Variants in DTNB observed in about 807,000 individuals in gnomAD.
DTNB encodes dystrobrevin beta, also known as DTN-B.
In DTNB, 63 loss-of-function variants were observed where a neutral mutation model predicts 90.7. The ratio of observed to expected loss-of-function variants is 0.69; its 90% CI spans 0.57 to 0.86. DTNB has a LOEUF of 0.86. Among genes scored for constraint, DTNB ranks in the 40% least tolerant of loss-of-function variants. The pLI is 0.00. For missense variants in DTNB, 744 were observed against 807.1 expected (o/e 0.92, Z 0.95); for synonymous variants, 277 against 286.7 (o/e 0.97, Z 0.34).
chr2:25,528,082 G>T (rs1221968714), intron 9 of DTNB, among the ~76,000 whole-genome samples: 2 of 152,120 alleles, frequency 1.3e-5, no homozygotes, highest in African/African-American at 4.8e-5. Flanking sequence ...AGGTAAAGAT[G>T]ATGCTAAAAA....
At chr2:25,385,621 C>T (rs1242424144) in intron 18 of DTNB, among the ~76,000 whole-genome samples, 1 of 152,214 alleles carries the variant, frequency 6.6e-6, no homozygotes, top group Non-Finnish European at 1.5e-5. Context: ...TTTCCCCCTT[C>T]AAGCTGCACG....
chr2:25,434,816 A>T (rs2055154137), intron 12 of DTNB, among the ~76,000 whole-genome samples: 1 of 152,170 alleles, frequency 6.6e-6, no homozygotes. Flanking sequence ...CCATTTTACA[A>T]TTGCATTAAT....
At chr2:25,464,834 T>A (rs189758163) in intron 10 of DTNB, among the ~76,000 whole-genome samples, 1 of 152,206 alleles carries the variant, frequency 6.6e-6, no homozygotes, top group East Asian at 1.9e-4. Flanking sequence ...TTCTGCAAAA[T>A]ATCTGACCAG....
At chr2:25,564,434 A>G (rs2058709115) in intron 8 of DTNB, among the ~76,000 whole-genome samples, 1 of 151,894 alleles carries the variant, frequency 6.6e-6, no homozygotes, top group African/African-American at 2.4e-5. Flanking sequence ...ACGATGGAGC[A>G]CAGTGGTGCG....
intron 9 of DTNB, among the ~76,000 whole-genome samples, chr2:25,528,397 G>A (rs754615912): frequency 4.6e-5 from 7 of 152,078 alleles, no homozygotes; most frequent in African/African-American, 1.2e-4. Context: ...GTATTGCACC[G>A]GAGGGGCTAG....
intron 1 of DTNB, among the ~76,000 whole-genome samples, chr2:25,671,853 A>G (rs2085988203): frequency 2.0e-5 from 3 of 152,224 alleles, no homozygotes; most frequent in African/African-American, 7.2e-5. Flanking sequence ...CTGGAGCTCC[A>G]GAGTTCAGAG....
At chr2:25,432,822 T>C (rs1295999421) in intron 14 of DTNB, 64 bp downstream of exon 14, 3 of 1,498,352 alleles carry the variant, frequency 2.0e-6, no homozygotes, top group Non-Finnish European at 2.7e-6. Flanking sequence ...CTCCTTTGGT[T>C]TCCTCAGATA....
intron 1 of DTNB, among the ~76,000 whole-genome samples, chr2:25,665,986 T>C (rs1392892342): frequency 2.0e-5 from 3 of 152,314 alleles, no homozygotes; most frequent in Admixed American, 2.0e-4. Context: ...CACAATGGCA[T>C]CCAGTAAGAG....
intron 2 of DTNB, among the ~76,000 whole-genome samples, chr2:25,652,081 C>G (rs2081050536): frequency 6.6e-6 from 1 of 152,170 alleles, no homozygotes; most frequent in Admixed American, 6.5e-5. Context: ...TCTCAGCCAT[C>G]TTCTTCTCTC....
At chr2:25,578,753 A>C (rs1246674160) in intron 7 of DTNB, among the ~76,000 whole-genome samples, 26 of 152,196 alleles carry the variant, frequency 1.7e-4, no homozygotes, top group Admixed American at 1.7e-3. Flanking sequence ...CTTGTTATAT[A>C]CCTACACTTG....
intron 1 of DTNB, among the ~76,000 whole-genome samples, chr2:25,656,633 A>G (rs1316877576): frequency 6.6e-6 from 1 of 152,192 alleles, no homozygotes; most frequent in African/African-American, 2.4e-5. Context: ...ATCTTTGTCC[A>G]CACTAATGCA....
chr2:25,450,989 G>C (rs1219386442), intron 12 of DTNB, among the ~76,000 whole-genome samples: 1 of 151,998 alleles, frequency 6.6e-6, no homozygotes, highest in East Asian at 1.9e-4. Flanking sequence ...ATTTTTTATA[G>C]AGACAGCATT....
In DTNB at chr2:25,407,780, T is replaced by A. The variant is rs142098058; in HGVS notation, c.1575+11735A>T. 4.0e-5 allele frequency among the ~76,000 whole-genome samples: 6 copies of A among 151,628 alleles called. No homozygotes were observed. The South Asian group carries it at 1.3e-3, about 32-fold the overall frequency. ...ACTATGGAGCCTCAGAAGGGAGAGGTTGGGAGGGGCGTGAAGGATAAAAAA... is the reference window on the plus strand; with the variant it reads ...ACTATGGAGCCTCAGAAGGGAGAGGATGGGAGGGGCGTGAAGGATAAAAAA... On this transcript the variant is annotated intron_variant, in intron 16 of 20. Coordinates refer to ENST00000406818, the MANE Select transcript of DTNB (RefSeq NM_021907.5).
intron 10 of DTNB, among the ~76,000 whole-genome samples, chr2:25,482,110 G>A (rs2065092585): frequency 1.3e-5 from 2 of 152,112 alleles, no homozygotes; most frequent in African/African-American, 2.4e-5. Context: ...TTCTTTAATG[G>A]CCATGCCCTT....
At chr2:25,481,785 A>G (rs1024546232) in intron 10 of DTNB, 1 of 152,232 alleles carries the variant, frequency 6.6e-6, no homozygotes, top group African/African-American at 2.4e-5. Flanking sequence ...TCAAGATCCT[A>G]TCTTCAGAAA....
At chr2:25,422,309 CA>C (rs758486618) in intron 15 of DTNB, among the ~76,000 whole-genome samples, 1 of 151,026 alleles carries the variant, frequency 6.6e-6, no homozygotes, top group Non-Finnish European at 1.5e-5. Flanking sequence ...AATTTACACT[CA>C]AACTAGATAA....
chr2:25,576,682 CA>C, intron 8 of DTNB, 155 bp downstream of exon 8: 1 of 934,154 alleles, frequency 1.1e-6, no homozygotes, highest in East Asian at 3.1e-5. Flanking sequence ...AGTGAGGAAG[CA>C]CAACATTTTT....
chr2:25,449,962 C>T (rs2059028282), intron 12 of DTNB, among the ~76,000 whole-genome samples: 1 of 152,004 alleles, frequency 6.6e-6, no homozygotes, highest in African/African-American at 2.4e-5. Context: ...TGGGGTTTCA[C>T]CGTGTTAGCC....
intron 9 of DTNB, among the ~76,000 whole-genome samples, chr2:25,530,552 G>A (rs542902978): frequency 2.4e-4 from 36 of 152,298 alleles, no homozygotes; most frequent in African/African-American, 7.9e-4. Context: ...AAAGGACAGC[G>A]AAGTGTGGGA....
Sources: gnomAD v4.1 joint callset for allele counts (sites outside exome capture counted in the v4.1 genomes callset) on GRCh38, gnomAD v4.1.1 for gene constraint, MANE v1.5 for transcripts, NCBI Gene and HGNC (gene_info 2026-07-23, HGNC 2026-07-21) for gene names.